POTEM: variants seen among roughly 807,000 people sequenced by gnomAD.
POTEM encodes the protein putative POTE ankyrin domain family member M.
For synonymous variants in POTEM, 8 were observed against 113.2 expected (o/e 0.07, Z 5.90); for missense variants, 24 against 343.0 (o/e 0.07, Z 7.35).
At chr14:18,969,342 CATATATATACATGTGTATATATATAT>C (rs1664629384) in intron 1 of POTEM, among the ~76,000 whole-genome samples, 2 of 89,514 alleles carry the variant, frequency 2.2e-5, no homozygotes, top group Non-Finnish European at 4.2e-5. Flanking sequence ...TACGTATATA[CATATATATACATGTGTATATATATAT>C]ATATATATAT....
chr14:18,991,119 G>A (rs1428429606), intron 9 of POTEM, among the ~76,000 whole-genome samples: 2 of 128,354 alleles, frequency 1.6e-5, no homozygotes, highest in Admixed American at 8.3e-5. Context: ...CCTGATGTCA[G>A]GTGATCTGCC....
At chr14:18,969,347 AT>A (rs1890851384) in intron 1 of POTEM, among the ~76,000 whole-genome samples, 4 of 106,372 alleles carry the variant, frequency 3.8e-5, no homozygotes, top group Admixed American at 2.5e-4. Flanking sequence ...ATATACATAT[AT>A]ATACATGTGT....
intron 1 of POTEM, among the ~76,000 whole-genome samples, chr14:18,968,527 T>C (rs1890817889): frequency 6.6e-6 from 1 of 151,470 alleles, no homozygotes; most frequent in South Asian, 2.1e-4. Context: ...TTTCTGAAGA[T>C]GTGAGCTTTT....
chr14:18,968,814 CT>C (rs1457027364), intron 1 of POTEM, among the ~76,000 whole-genome samples: 4 of 152,078 alleles, frequency 2.6e-5, no homozygotes, highest in African/African-American at 9.7e-5. Context: ...CAGAGCAAGA[CT>C]CCGTCTCAAA....
intron 1 of POTEM, among the ~76,000 whole-genome samples, chr14:18,969,299 GTATATACGTATATATATGTATA>G (rs1306842389): frequency 2.9e-5 from 2 of 69,970 alleles, no homozygotes; most frequent in African/African-American, 6.2e-5. Flanking sequence ...GTATATATAT[GTATATACGTATATATATGTATA>G]TATATATATA....
chr14:18,991,169 C>G lies in POTEM; in HGVS notation c.1409+2748C>G, dbSNP rs1179151971. On this transcript the variant is annotated intron_variant, in intron 9 of 10. Transcript: ENST00000547889. The stretch of plus-strand genomic sequence containing the variant: ...GAAGTGTTGGGATTACAGGCATGAG[C>G]CACAGTGCCTGGCCCTTCCTGACTT... Among the ~76,000 whole-genome samples the G allele has an allele frequency of 9.2e-5, 12 of 131,062 alleles. 1 individual carries two copies. Among genetic ancestry groups the G allele is most frequent in the Admixed American group, 3.2e-4 (4 of 12,496 alleles). The allele number at this position is 131,062 out of a possible 152,430, so 86.0% of individuals were successfully genotyped here.
intron 7 of POTEM, among the ~76,000 whole-genome samples, chr14:18,985,920 A>C (rs1471535394): frequency 7.7e-6 from 1 of 129,876 alleles, no homozygotes; most frequent in African/African-American, 3.3e-5. Context: ...AAAAAAAAAA[A>C]AAAAAAAAAT....
intron 9 of POTEM, among the ~76,000 whole-genome samples, chr14:18,996,098 T>C (rs767867380): frequency 0.059 from 7,713 of 131,332 alleles, no homozygotes; most frequent in East Asian, 0.14. Flanking sequence ...CTTCCTCTTT[T>C]CCAATTTGGA....
intron 1 of POTEM, among the ~76,000 whole-genome samples, chr14:18,969,333 A>G (rs1890849592): frequency 8.3e-6 from 1 of 120,160 alleles, no homozygotes; most frequent in African/African-American, 3.6e-5. Context: ...ATATATATAT[A>G]CGTATATACA....
At chr14:18,994,969 T>C (rs1361159835) in intron 9 of POTEM, among the ~76,000 whole-genome samples, 3 of 80,456 alleles carry the variant, frequency 3.7e-5, no homozygotes, top group African/African-American at 1.6e-4. Context: ...TTACCGTTTG[T>C]ACATCTTCTT....
At position 18,998,888 on chromosome 14, in the gene POTEM, G is replaced by A; in HGVS notation, c.*223G>A. On this transcript the variant is annotated 3_prime_UTR_variant, in exon 11 of 11. Transcript: ENST00000547889. The stretch of plus-strand genomic sequence containing the variant: ...TCACCATGGATGATGATACTGCCGT[G>A]CTCGTCATTGACAACGGCTCTGGCA... The A allele has an allele frequency of 8.3e-6, 1 of 121,146 alleles. No individual in the cohort carries two copies. The highest frequency in any genetic ancestry group is 1.2e-4 in the East Asian group (1 of 8,096). 7.5% of individuals were successfully genotyped at this position (121,146 alleles called of 1,614,324 possible). A position where few individuals can be genotyped will look rare whatever the true frequency, so the allele number is the denominator to read the frequency against.
chr14:18,969,314 TATGTATATATATATATATAC>T (rs1890846019), intron 1 of POTEM, among the ~76,000 whole-genome samples: 19 of 64,402 alleles, frequency 3.0e-4, no homozygotes, highest in African/African-American at 1.6e-3. Flanking sequence ...TACGTATATA[TATGTATATATATATATATAC>T]GTATATACAT....
At chr14:18,987,007 AATT>A (rs1211336799) in intron 7 of POTEM, among the ~76,000 whole-genome samples, 159 bp from the exon 8 acceptor site, 1 of 96,434 alleles carries the variant, frequency 1.0e-5, no homozygotes, top group Non-Finnish European at 2.0e-5. Flanking sequence ...TCTTAATTTT[AATT>A]ATTATTTATT....
chr14:18,968,754 C>T (rs1261274781), intron 1 of POTEM, among the ~76,000 whole-genome samples: 20 of 152,220 alleles, frequency 1.3e-4, no homozygotes, highest in Admixed American at 5.9e-4. Context: ...ACCCGGGAGG[C>T]GGAGCTTGCA....
chr14:18,994,844 G>GT lies in POTEM; in HGVS notation c.1410-2191dup, dbSNP rs1433475047. 2.4e-5 allele frequency among the ~76,000 whole-genome samples: 2 copies of GT among 83,370 alleles called. 1 individual carries two copies. The highest frequency in any genetic ancestry group is 5.0e-5 in the Non-Finnish European group (2 of 39,676). 54.7% of individuals were successfully genotyped at this position (83,370 alleles called of 152,430 possible). A position where few individuals can be genotyped will look rare whatever the true frequency, so the allele number is the denominator to read the frequency against. ...CACCACATCCACAACAACATCTGTT[G>GT]TTTTTTGTTTTCTAATAGTGGCCAT... On this transcript the variant is annotated intron_variant, in intron 9 of 10. Coordinates refer to ENST00000547889, the MANE Select transcript of POTEM (RefSeq NM_001145442.1).
rs1244650040 is a variant in POTEM at position 18,988,426 on chromosome 14, G to GTA, written c.1409+6_1409+7insAT. On this transcript the variant is annotated splice_donor_region_variant and intron_variant, in intron 9 of 10. Coordinates refer to ENST00000547889, the MANE Select transcript of POTEM (RefSeq NM_001145442.1). ...TGAGAATGAACAGTATCACAGGTAA[G>GTA]TCTGTGGCAACATTGAACAGGAGAT... The GTA allele has an allele frequency of 1.1e-4, 15 of 134,778 alleles. No homozygotes were observed. In the African/African-American group the frequency reaches 2.2e-3, roughly 19 times the overall value. 8.3% of individuals were successfully genotyped at this position (134,778 alleles called of 1,614,324 possible). A position where few individuals can be genotyped will look rare whatever the true frequency, so the allele number is the denominator to read the frequency against.
chr14:18,969,319 A>ATG (rs1372719727), intron 1 of POTEM, among the ~76,000 whole-genome samples: 59 of 68,548 alleles, frequency 8.6e-4, no homozygotes, highest in East Asian at 1.6e-3. Context: ...ATATATATGT[A>ATG]TATATATATA....
intron 6 of POTEM, among the ~76,000 whole-genome samples, chr14:18,982,766 T>G (rs1594276086): frequency 1.3e-5 from 1 of 78,518 alleles, no homozygotes; most frequent in Non-Finnish European, 3.0e-5. Flanking sequence ...TTTTTTTTTT[T>G]GGTGTTATGC....
intron 9 of POTEM, among the ~76,000 whole-genome samples, chr14:18,996,271 A>G (rs1375899909): frequency 7.9e-5 from 12 of 151,066 alleles, no homozygotes; most frequent in Admixed American, 2.0e-4. Flanking sequence ...TGTTAAAAAC[A>G]TAATATTAGA....
Sources: gnomAD v4.1 joint callset for allele counts (sites outside exome capture counted in the v4.1 genomes callset) on GRCh38, gnomAD v4.1.1 for gene constraint, MANE v1.5 for transcripts, NCBI Gene and HGNC (gene_info 2026-07-23, HGNC 2026-07-21) for gene names.